The following NELL2 variants were observed in gnomAD, a reference collection of about 807,000 sequenced individuals.
NELL2 encodes protein kinase C-binding protein NELL2.
NELL2 carries 41 observed loss-of-function variants against 109.6 expected under a neutral mutation model. The ratio of observed to expected loss-of-function variants is 0.37; its 90% CI spans 0.29 to 0.49. The LOEUF (loss-of-function observed/expected upper bound fraction) is 0.49. NELL2 is among the 20% of genes least tolerant of loss of function. The probability of loss-of-function intolerance (pLI) is 0.98; values close to 1 mark genes in which losing one functional copy is unlikely to be tolerated. For missense variants in NELL2, 900 were observed against 1,008.3 expected (o/e 0.89, Z 1.45); for synonymous variants, 355 against 344.7 (o/e 1.03, Z -0.33).
chr12:44,875,831 G>T lies in NELL2; in HGVS notation c.39C>A (p.Ile13=), dbSNP rs1202139203. ...SRVLLRTFCL[I]FGLGAVWGLG... ...GCCACTCACCTGCTCCGAGACCGAA[G>T]ATCAAACAGAATGTTCTCAGTAAGA... Residue 13 remains isoleucine, a synonymous_variant, in exon 1 of 20, where the codon ATC becomes ATA. Coordinates refer to ENST00000429094, the MANE Select transcript of NELL2 (RefSeq NM_001145108.2). The T allele has an allele frequency of 6.2e-7, 1 of 1,613,862 alleles. No homozygotes were observed. Among genetic ancestry groups the T allele is most frequent in the Non-Finnish European group, 8.5e-7 (1 of 1,180,036 alleles).
At chr12:44,592,692 G>C (rs900907950) in intron 15 of NELL2, among the ~76,000 whole-genome samples, 1 of 152,044 alleles carries the variant, frequency 6.6e-6, no homozygotes, top group Non-Finnish European at 1.5e-5. Context: ...TATTTTGAGG[G>C]CCCCTCAGGA....
chr12:44,834,434 TTC>T (rs1351902980), intron 2 of NELL2, among the ~76,000 whole-genome samples: 8 of 110,416 alleles, frequency 7.2e-5, no homozygotes, highest in Non-Finnish European at 1.1e-4. Flanking sequence ...GACACACGCA[TTC>T]TTTTTTTTTT....
intron 9 of NELL2, among the ~76,000 whole-genome samples, chr12:44,727,524 G>T (rs1326613048): frequency 6.6e-6 from 1 of 152,034 alleles, no homozygotes; most frequent in Non-Finnish European, 1.5e-5. Flanking sequence ...GAAGAAGAGG[G>T]AGATGGAGAG....
intron 9 of NELL2, among the ~76,000 whole-genome samples, chr12:44,763,873 A>AAT (rs1160624349): frequency 6.6e-6 from 1 of 152,140 alleles, no homozygotes; most frequent in East Asian, 1.9e-4. Flanking sequence ...ATTTACAATA[A>AAT]AAAAAACAAA....
At chr12:44,719,213 A>G (rs1344750926) in intron 9 of NELL2, among the ~76,000 whole-genome samples, 1 of 152,232 alleles carries the variant, frequency 6.6e-6, no homozygotes, top group Non-Finnish European at 1.5e-5. Flanking sequence ...TAAAAAGTGA[A>G]AGGTAATTTA....
intron 2 of NELL2, among the ~76,000 whole-genome samples, chr12:44,858,204 C>T (rs1944738484): frequency 6.6e-6 from 1 of 152,126 alleles, no homozygotes; most frequent in Non-Finnish European, 1.5e-5. Flanking sequence ...CAAGTTCATA[C>T]AACTAGTAAA....
At chr12:44,882,339 GTA>G (rs1235690039) in intron 1 of NELL2, among the ~76,000 whole-genome samples, 6 of 150,262 alleles carry the variant, frequency 4.0e-5, no homozygotes, top group Non-Finnish European at 5.9e-5. Flanking sequence ...ATATATGTAT[GTA>G]TATATATATA....
At chr12:44,913,138 C>T (rs1945797805) in intron 1 of NELL2, among the ~76,000 whole-genome samples, 1 of 152,088 alleles carries the variant, frequency 6.6e-6, no homozygotes, top group Admixed American at 6.6e-5. Context: ...TAGTTTATTG[C>T]ACACTTACTC....
intron 15 of NELL2, among the ~76,000 whole-genome samples, chr12:44,549,209 T>C (rs1942928726): frequency 6.6e-6 from 1 of 152,166 alleles, no homozygotes; most frequent in South Asian, 2.1e-4. Context: ...GTGGAGGAGA[T>C]TGCTAATGGT....
intron 2 of NELL2, among the ~76,000 whole-genome samples, chr12:44,857,517 T>A (rs1944717221): frequency 6.6e-6 from 1 of 152,108 alleles, no homozygotes; most frequent in African/African-American, 2.4e-5. Context: ...TGAAATCTTA[T>A]CCTCCATCAC....
chr12:44,751,003 GTC>G (rs1940626553), intron 9 of NELL2, among the ~76,000 whole-genome samples: 1 of 152,106 alleles, frequency 6.6e-6, no homozygotes, highest in Non-Finnish European at 1.5e-5. Flanking sequence ...CAGCCTTTCA[GTC>G]CAAAAGAGCA....
rs549028234 is a variant in NELL2, at chr12:44,555,444, T to G, written c.1664-22723A>C. Among the ~76,000 whole-genome samples the G allele has an allele frequency of 2.0e-5, 3 of 152,192 alleles. No individual in the cohort carries two copies. In the East Asian group the frequency reaches 5.8e-4, roughly 29 times the overall value. On this transcript the variant is annotated intron_variant, in intron 15 of 19. Transcript: ENST00000429094. ...CCTTCATATTGCTGACAATAAACATTGAGTGGAAGAATAACATTAGTTTTA... is the reference window on the plus strand; with the variant it reads ...CCTTCATATTGCTGACAATAAACATGGAGTGGAAGAATAACATTAGTTTTA...
intron 13 of NELL2, among the ~76,000 whole-genome samples, chr12:44,635,104 C>A (rs1946587550): frequency 6.6e-6 from 1 of 151,914 alleles, no homozygotes; most frequent in Non-Finnish European, 1.5e-5. Flanking sequence ...CTATTCGTAT[C>A]CTTTGCCCAC....
At chr12:44,653,922 C>T (rs576253160) in intron 13 of NELL2, among the ~76,000 whole-genome samples, 1 of 152,278 alleles carries the variant, frequency 6.6e-6, no homozygotes, top group East Asian at 1.9e-4. Flanking sequence ...TCTTACAATT[C>T]CATTCACACT....
intron 3 of NELL2, among the ~76,000 whole-genome samples, chr12:44,800,455 G>A (rs918137830): frequency 6.6e-6 from 1 of 152,142 alleles, no homozygotes; most frequent in Non-Finnish European, 1.5e-5. Context: ...ACAAGCCTAT[G>A]AAGGGATGAC....
chr12:44,659,809 G>A (rs1566105885), intron 13 of NELL2, among the ~76,000 whole-genome samples: 2 of 152,090 alleles, frequency 1.3e-5, no homozygotes, highest in East Asian at 3.8e-4. Context: ...CAAGTATCTA[G>A]TAGAACTCCT....
intron 13 of NELL2, among the ~76,000 whole-genome samples, chr12:44,614,633 C>T: frequency 6.6e-6 from 1 of 152,086 alleles, no homozygotes; most frequent in South Asian, 2.1e-4. Context: ...ACTGATTAAC[C>T]CCTAAGTCAA....
intron 1 of NELL2, among the ~76,000 whole-genome samples, chr12:44,910,822 G>A (rs1452794256): frequency 6.6e-6 from 1 of 151,932 alleles, no homozygotes; most frequent in Non-Finnish European, 1.5e-5. Flanking sequence ...GGATGCAGCT[G>A]GAGGCCATAA....
At chr12:44,902,822 A>G (rs1260110027) in intron 1 of NELL2, among the ~76,000 whole-genome samples, 1 of 152,202 alleles carries the variant, frequency 6.6e-6, no homozygotes, top group Admixed American at 6.5e-5. Flanking sequence ...CTATAAAATA[A>G]ATGGTGTTGG....
Sources: gnomAD v4.1 joint callset for allele counts (sites outside exome capture counted in the v4.1 genomes callset) on GRCh38, gnomAD v4.1.1 for gene constraint, MANE v1.5 for transcripts, NCBI Gene and HGNC (gene_info 2026-07-23, HGNC 2026-07-21) for gene names.